The following CTNNA2 variants were observed in gnomAD, a reference collection of about 807,000 sequenced individuals.
CTNNA2 encodes catenin alpha-2.
A neutral mutation model predicts 101.0 loss-of-function variants in CTNNA2; 42 were observed. The observed-to-expected ratio is 0.42, with a 90% CI of 0.32 to 0.54. The LOEUF is 0.54. CTNNA2 is among the 20% of genes least tolerant of loss of function. The pLI, the probability that CTNNA2 is intolerant of heterozygous loss-of-function variation, is 0.14. For missense variants in CTNNA2, 871 were observed against 1,223.1 expected, an observed-to-expected ratio of 0.71 and a Z score of 4.29; for synonymous variants, 450 against 456.4, an observed-to-expected ratio of 0.99 and a Z score of 0.18.
rs139048582 is a variant in CTNNA2 at position 80,562,919 on chromosome 2, C to T, written c.1741+7026C>T. Among the ~76,000 whole-genome samples the T allele has an allele frequency of 2.4e-3, 367 of 151,908 alleles. 3 individuals carry two copies. The highest frequency in any genetic ancestry group is 7.3e-3 in the African/African-American group (302 of 41,414). On this transcript the variant is annotated intron_variant, in intron 12 of 18. Transcript: ENST00000402739. The stretch of plus-strand genomic sequence containing the variant: ...TTTATTCTAACAATAAAACCCTTAA[C>T]GTGAAGGTGGAGATAGGGTACGGTA...
At chr2:80,542,659 C>T (rs1490541069) in intron 9 of CTNNA2, among the ~76,000 whole-genome samples, 1 of 151,924 alleles carries the variant, frequency 6.6e-6, no homozygotes, top group Non-Finnish European at 1.5e-5. Flanking sequence ...GTGCTAAACT[C>T]TAGCAATTAT....
intron 5 of CTNNA2, among the ~76,000 whole-genome samples, chr2:79,506,009 T>C (rs1671405225): frequency 6.6e-6 from 1 of 152,218 alleles, no homozygotes; most frequent in Non-Finnish European, 1.5e-5. Flanking sequence ...TTTGAGCCTT[T>C]AGTAAGAATG....
At chr2:80,512,678 T>C (rs141584327) in intron 9 of CTNNA2, among the ~76,000 whole-genome samples, 2 of 6,662 alleles carry the variant, frequency 3.0e-4, no homozygotes, top group African/African-American at 6.7e-3. Context: ...TTTTAAATTC[T>C]TTTTTTTTGT....
chr2:79,431,845 C>T (rs953331993), intron 4 of CTNNA2, among the ~76,000 whole-genome samples: 1 of 152,098 alleles, frequency 6.6e-6, no homozygotes, highest in African/African-American at 2.4e-5. Flanking sequence ...GTATGTTGCT[C>T]CTCCGGTGAA....
chr2:79,915,631 C>T (rs1029528559), intron 7 of CTNNA2, among the ~76,000 whole-genome samples: 4 of 152,110 alleles, frequency 2.6e-5, no homozygotes, highest in South Asian at 4.1e-4. Context: ...AAAATGAGAA[C>T]GAAGTGAGGA....
chr2:79,989,174 T>C (rs1285509491), intron 7 of CTNNA2, among the ~76,000 whole-genome samples: 1 of 152,168 alleles, frequency 6.6e-6, no homozygotes, highest in Non-Finnish European at 1.5e-5. Context: ...CCTTAACAAG[T>C]AACGGTTTCA....
chr2:79,284,838 C>G (rs1314510373), intron 2 of CTNNA2, among the ~76,000 whole-genome samples: 1 of 145,296 alleles, frequency 6.9e-6, no homozygotes. Flanking sequence ...AGGAATGGTA[C>G]CAGTTCCTCC....
At chr2:79,902,431 T>C (rs1685125446) in intron 6 of CTNNA2, among the ~76,000 whole-genome samples, 1 of 152,162 alleles carries the variant, frequency 6.6e-6, no homozygotes. Flanking sequence ...GGTCTTCCTA[T>C]TGGGTATTCC....
intron 3 of CTNNA2, among the ~76,000 whole-genome samples, chr2:79,762,777 ATG>A (rs1672882695): frequency 6.6e-6 from 1 of 152,200 alleles, no homozygotes; most frequent in Non-Finnish European, 1.5e-5. Flanking sequence ...ACATTCTAAA[ATG>A]TGCAATAGTA....
At chr2:80,577,215 T>C (rs1171620928) in intron 13 of CTNNA2, among the ~76,000 whole-genome samples, 1 of 152,110 alleles carries the variant, frequency 6.6e-6, no homozygotes, top group Non-Finnish European at 1.5e-5. Context: ...TTTCTATTCC[T>C]CTGGTAGGAG....
At chr2:79,808,792 C>CT (rs72349722) in intron 3 of CTNNA2, among the ~76,000 whole-genome samples, 26,324 of 145,760 alleles carry the variant, frequency 0.18, 4,070 homozygotes, top group African/African-American at 0.41. Flanking sequence ...TTGTCATCAT[C>CT]TTTTTTTTTT....
chr2:79,195,352 T>TGG (rs1242124316), intron 1 of CTNNA2, among the ~76,000 whole-genome samples: 2 of 152,172 alleles, frequency 1.3e-5, no homozygotes, highest in Non-Finnish European at 2.9e-5. Context: ...CCTTCTTCCT[T>TGG]CTGGGTAGCA....
intron 2 of CTNNA2, among the ~76,000 whole-genome samples, chr2:79,228,955 G>A (rs964052682): frequency 6.6e-6 from 1 of 152,094 alleles, no homozygotes; most frequent in Non-Finnish European, 1.5e-5. Context: ...TAAAGGTCCA[G>A]TTTTATTCTT....
intron 7 of CTNNA2, among the ~76,000 whole-genome samples, chr2:80,219,854 C>A (rs866195185): frequency 1.3e-5 from 2 of 152,328 alleles, no homozygotes; most frequent in Non-Finnish European, 1.5e-5. Flanking sequence ...ATAAACACAT[C>A]AAGAGAGGTT....
At chr2:80,156,341 C>T (rs1314728886) in intron 7 of CTNNA2, among the ~76,000 whole-genome samples, 4 of 152,242 alleles carry the variant, frequency 2.6e-5, no homozygotes, top group African/African-American at 9.6e-5. Flanking sequence ...TAATAATTGC[C>T]CAGAACTTGG....
chr2:79,385,368 A>G (rs1245088527), intron 4 of CTNNA2, among the ~76,000 whole-genome samples: 1 of 152,210 alleles, frequency 6.6e-6, no homozygotes, highest in Non-Finnish European at 1.5e-5. Context: ...TCTTCCGCCT[A>G]TATTCCAGCA....
intron 3 of CTNNA2, among the ~76,000 whole-genome samples, chr2:79,767,205 T>G (rs1204116437): frequency 6.6e-6 from 1 of 152,120 alleles, no homozygotes; most frequent in Non-Finnish European, 1.5e-5. Flanking sequence ...TTTTAATTAT[T>G]TCAATCTCCG....
At chr2:80,102,216 A>C (rs1197056693) in intron 7 of CTNNA2, among the ~76,000 whole-genome samples, 2 of 152,130 alleles carry the variant, frequency 1.3e-5, no homozygotes, top group Non-Finnish European at 2.9e-5. Flanking sequence ...AATCTTTCTC[A>C]TATCTTCCTC....
chr2:80,489,661 T>A (rs922724007), intron 9 of CTNNA2, among the ~76,000 whole-genome samples: 1 of 152,238 alleles, frequency 6.6e-6, no homozygotes, highest in Non-Finnish European at 1.5e-5. Flanking sequence ...TTAATAGAAC[T>A]GGGTTCTATC....
Sources: gnomAD v4.1 joint callset for allele counts (sites outside exome capture counted in the v4.1 genomes callset) on GRCh38, gnomAD v4.1.1 for gene constraint, MANE v1.5 for transcripts, NCBI Gene and HGNC (gene_info 2026-07-23, HGNC 2026-07-21) for gene names.